The following DOCK1 variants were observed in gnomAD, a reference collection of about 807,000 sequenced individuals.
DOCK1 encodes the protein dedicator of cytokinesis protein 1.
In DOCK1, 138 loss-of-function variants were observed where a neutral mutation model predicts 262.7. The observed-to-expected ratio is 0.53, with a 90% CI of 0.46 to 0.61. The LOEUF is 0.61. DOCK1 is among the 20% of genes least tolerant of loss of function. DOCK1 has a pLI of 0.00. For synonymous variants in DOCK1, 866 were observed against 867.4 expected, an observed-to-expected ratio of 1.00 and a Z score of 0.03; for missense variants, 1,908 against 2,370.7, an observed-to-expected ratio of 0.80 and a Z score of 4.05.
chr10:127,451,602 T>C lies in DOCK1; in HGVS notation c.*175T>C. On this transcript the variant is annotated 3_prime_UTR_variant, in exon 52 of 52. Transcript: ENST00000623213. ...ACCATGGAGTGAGTGGCCTTTAGCGTCATGGAGCAAGGTGGGTCTGGGAGG... is the reference window on the plus strand; with the variant it reads ...ACCATGGAGTGAGTGGCCTTTAGCGCCATGGAGCAAGGTGGGTCTGGGAGG... The C allele has an allele frequency of 6.9e-7, 1 of 1,439,096 alleles. No homozygotes were observed. Among genetic ancestry groups the C allele is most frequent in the Non-Finnish European group, 9.2e-7 (1 of 1,089,408 alleles). 89.1% of individuals were successfully genotyped at this position (1,439,096 alleles called of 1,614,324 possible).
At chr10:127,053,556 A>T (rs1418367745) in intron 22 of DOCK1, among the ~76,000 whole-genome samples, 1 of 152,232 alleles carries the variant, frequency 6.6e-6, no homozygotes, top group Non-Finnish European at 1.5e-5. Flanking sequence ...GGATGAACTT[A>T]TGAATGATTT....
intron 33 of DOCK1, among the ~76,000 whole-genome samples, chr10:127,363,130 A>G (rs973098594): frequency 7.1e-6 from 1 of 141,770 alleles, no homozygotes; most frequent in East Asian, 2.1e-4. Context: ...TTAGTGTACT[A>G]ATGGTTTGGC....
chr10:127,018,066 G>A (rs1235937902), intron 12 of DOCK1, among the ~76,000 whole-genome samples: 2 of 152,172 alleles, frequency 1.3e-5, no homozygotes, highest in East Asian at 1.9e-4. Flanking sequence ...GGCTTTGAAA[G>A]TCTTCATTTC....
At chr10:126,957,350 A>C (rs2134480802) in intron 1 of DOCK1, among the ~76,000 whole-genome samples, 1 of 152,316 alleles carries the variant, frequency 6.6e-6, no homozygotes, top group South Asian at 2.1e-4. Flanking sequence ...GCTCACCTGA[A>C]GATGCCTTTG....
intron 39 of DOCK1, 105 bp from the exon 40 acceptor site, chr10:127,404,220 A>T: frequency 1.2e-6 from 1 of 814,204 alleles, no homozygotes; most frequent in Non-Finnish European, 2.0e-6. Context: ...TCCCCCTCCC[A>T]CCCTATAGAA....
chr10:127,106,364 T>A (rs1354319469), intron 24 of DOCK1, 63 bp downstream of exon 24: 2 of 1,533,750 alleles, frequency 1.3e-6, no homozygotes, highest in Non-Finnish European at 1.8e-6. Flanking sequence ...CTCAGTGTGC[T>A]TAGTTTATGG....
At chr10:126,913,492 G>A (rs966306147) in intron 1 of DOCK1, among the ~76,000 whole-genome samples, 7 of 152,154 alleles carry the variant, frequency 4.6e-5, no homozygotes, top group African/African-American at 1.4e-4. Context: ...CGCACCTTGC[G>A]TGGCCCTCCG....
chr10:127,404,041 T>G (rs2067372615), intron 39 of DOCK1, among the ~76,000 whole-genome samples: 1 of 152,226 alleles, frequency 6.6e-6, no homozygotes, highest in Non-Finnish European at 1.5e-5. Context: ...TCTTTGGTTA[T>G]TGAAAACACC....
At chr10:126,922,271 G>A (rs1039306585) in intron 1 of DOCK1, among the ~76,000 whole-genome samples, 3 of 148,474 alleles carry the variant, frequency 2.0e-5, no homozygotes, top group Non-Finnish European at 4.5e-5. Context: ...TCTGTAAGCT[G>A]TACAGGAGTC....
At chr10:127,155,780 A>G (rs1402762250) in intron 27 of DOCK1, among the ~76,000 whole-genome samples, 2 of 152,112 alleles carry the variant, frequency 1.3e-5, no homozygotes, top group African/African-American at 2.4e-5. Context: ...TCCATCAGCT[A>G]ATTCTACTGG....
At chr10:127,361,624 T>C (rs12251654) in intron 32 of DOCK1, among the ~76,000 whole-genome samples, 39,617 of 151,972 alleles carry the variant, frequency 0.26, 5,219 homozygotes, top group South Asian at 0.33. Flanking sequence ...TAAAGAGGAC[T>C]CAAGAGACTA....
intron 47 of DOCK1, 37 bp downstream of exon 47, chr10:127,426,048 G>C: frequency 6.2e-7 from 1 of 1,611,204 alleles, no homozygotes; most frequent in South Asian, 1.1e-5. Context: ...CAGAAGAGTG[G>C]GTGTCTGGGC....
intron 38 of DOCK1, among the ~76,000 whole-genome samples, chr10:127,392,255 TG>T (rs1343536114): frequency 1.4e-5 from 2 of 147,674 alleles, no homozygotes; most frequent in Non-Finnish European, 3.0e-5. Flanking sequence ...TGGTCTGGGG[TG>T]GGCCTCGAGG....
rs535656767 is a variant in DOCK1, at chr10:127,014,023, A to G, written c.1201+1649A>G. 4.1e-4 allele frequency among the ~76,000 whole-genome samples: 62 copies of G among 152,358 alleles called. 1 individual carries two copies. The South Asian group carries it at 8.5e-3, about 21-fold the overall frequency. On this transcript the variant is annotated intron_variant, in intron 12 of 51. Coordinates refer to ENST00000623213, the MANE Select transcript of DOCK1 (RefSeq NM_001290223.2). ...TAGCGGCCCCAGGAGTGGAAGGGAC[A>G]TGGAGGAGATACTCATCTTCAGAGA...
chr10:127,061,902 G>A (rs1209085834), intron 23 of DOCK1, 126 bp downstream of exon 23: 1 of 426,084 alleles, frequency 2.3e-6, no homozygotes, highest in Non-Finnish European at 4.0e-6. Context: ...TAATGTCAGA[G>A]ATCTCAATTT....
chr10:126,984,709 A>T (rs1196373679), intron 4 of DOCK1, among the ~76,000 whole-genome samples: 1 of 152,082 alleles, frequency 6.6e-6, no homozygotes, highest in East Asian at 1.9e-4. Flanking sequence ...AATTGTATGT[A>T]TTTATGGTGT....
intron 27 of DOCK1, among the ~76,000 whole-genome samples, chr10:127,173,047 C>T (rs573516037): frequency 6.6e-6 from 1 of 152,276 alleles, no homozygotes; most frequent in African/African-American, 2.4e-5. Flanking sequence ...TGTGTGGCAG[C>T]CTGTGTGCCG....
At chr10:127,362,386 A>T (rs1257982682) in intron 33 of DOCK1, among the ~76,000 whole-genome samples, 174 bp downstream of exon 33, 1 of 152,220 alleles carries the variant, frequency 6.6e-6, no homozygotes. Context: ...GAAGCTTATC[A>T]TCCCTTGCAC....
intron 47 of DOCK1, among the ~76,000 whole-genome samples, chr10:127,432,306 G>GGGGAAGT (rs2069347736): frequency 6.6e-6 from 1 of 152,130 alleles, no homozygotes; most frequent in African/African-American, 2.4e-5. Flanking sequence ...CTTTTCAGAA[G>GGGGAAGT]GGGAAGTGGC....
Sources: allele counts gnomAD v4.1 joint callset (sites outside exome capture counted in the v4.1 genomes callset), GRCh38; gene constraint gnomAD v4.1.1; transcripts MANE v1.5; gene names NCBI Gene and HGNC (gene_info 2026-07-23, HGNC 2026-07-21).